Variants in MSH4 observed in about 807,000 individuals in gnomAD.
MSH4 encodes mutS protein homolog 4.
A neutral mutation model predicts 113.7 loss-of-function variants in MSH4; 106 were observed. The observed-to-expected ratio is 0.93, with a 90% CI of 0.80 to 1.10. The LOEUF (loss-of-function observed/expected upper bound fraction) is 1.10. MSH4 is among the 50% of genes least tolerant of loss of function. The probability of loss-of-function intolerance (pLI) is 0.00; values close to 1 mark genes in which losing one functional copy is unlikely to be tolerated. For synonymous variants in MSH4, 368 were observed against 380.2 expected (o/e 0.97, Z 0.37); for missense variants, 1,061 against 1,093.7 (o/e 0.97, Z 0.42).
At chr1:75,852,109 AT>A (rs1263656672) in intron 8 of MSH4, among the ~76,000 whole-genome samples, 3 of 152,204 alleles carry the variant, frequency 2.0e-5, no homozygotes, top group Non-Finnish European at 4.4e-5. Context: ...TATCCTGGAC[AT>A]TTTATATAAA....
At chr1:75,836,305 T>TTTC (rs1303848801) in intron 7 of MSH4, among the ~76,000 whole-genome samples, 3 of 148,970 alleles carry the variant, frequency 2.0e-5, no homozygotes, top group East Asian at 2.0e-4. Context: ...TCTTTTTCTT[T>TTTC]TTTTTTTTTT....
intron 12 of MSH4, 129 bp downstream of exon 12, chr1:75,879,257 AC>A (rs2100570959): frequency 1.3e-6 from 1 of 744,616 alleles, no homozygotes; most frequent in Non-Finnish European, 2.2e-6. Context: ...ATTCCTACCC[AC>A]CCACCTAACT....
intron 19 of MSH4, among the ~76,000 whole-genome samples, chr1:75,901,213 T>C (rs1359427730): frequency 3.3e-5 from 5 of 152,166 alleles, no homozygotes; most frequent in African/African-American, 9.6e-5. Context: ...ACGACACATA[T>C]TAACTATAGT....
chr1:75,801,615 T>C (rs908113454), intron 1 of MSH4, among the ~76,000 whole-genome samples: 1 of 151,554 alleles, frequency 6.6e-6, no homozygotes, highest in Non-Finnish European at 1.5e-5. Flanking sequence ...GGCTTATGCT[T>C]GTAATCTCAG....
Position 75,848,225 on chromosome 1 carries a change from T to A in MSH4, c.1179T>A (p.Leu393=). The stretch of plus-strand genomic sequence containing the variant: ...TTGTTTCAGTTATATCAAGATTTCT[T>A]GATACAGAGCAGCTTCTTTCTGTTT... ...FGLQSVISRF[L]DTEQLLSVLV... Residue 393 remains leucine (L), a synonymous_variant, in exon 8 of 20, where the codon CTT becomes CTA. Transcript: ENST00000263187. The A allele has an allele frequency of 6.2e-7, 1 of 1,607,478 alleles. No individual in the cohort carries two copies. Among genetic ancestry groups the A allele is most frequent in the Non-Finnish European group, 8.5e-7 (1 of 1,175,500 alleles).
intron 9 of MSH4, among the ~76,000 whole-genome samples, chr1:75,876,437 G>C (rs561734341): frequency 6.6e-6 from 1 of 152,056 alleles, no homozygotes; most frequent in African/African-American, 2.4e-5. Context: ...GGCTAAATAT[G>C]CTTTCTCTTC....
chr1:75,852,626 C>T (rs560312098), intron 8 of MSH4, among the ~76,000 whole-genome samples: 4 of 152,150 alleles, frequency 2.6e-5, no homozygotes, highest in Admixed American at 6.5e-5. Context: ...CTGACAATGT[C>T]GAGCATCTTT....
In MSH4 at chr1:75,890,720, A is replaced by G. The variant is rs775518211; in HGVS notation, c.2251A>G (p.Asn751Asp). The G allele has an allele frequency of 3.1e-6, 5 of 1,595,098 alleles. No homozygotes were observed. Among genetic ancestry groups the G allele is most frequent in the Non-Finnish European group, 4.3e-6 (5 of 1,167,214 alleles). Residue 751 changes from asparagine (N) to aspartate (D), a missense_variant, in exon 17 of 20, where the codon AAT becomes GAT. By Grantham distance (23) the Asn-to-Asp change is conservative. Coordinates refer to ENST00000263187, the MANE Select transcript of MSH4 (RefSeq NM_002440.4). ...KEIAYILHNA[N>D]DKSLILIDEL... ...GATAGCATATATTCTACATAATGCT[A>G]ATGACAAATCGCTCATATTAATTGA...
At chr1:75,829,258 G>T (rs1283595410) in intron 7 of MSH4, among the ~76,000 whole-genome samples, 4 of 152,152 alleles carry the variant, frequency 2.6e-5, no homozygotes, top group African/African-American at 9.6e-5. Flanking sequence ...GCTTTGCTGA[G>T]GCTTGAGTAG....
intron 19 of MSH4, among the ~76,000 whole-genome samples, chr1:75,905,244 T>C (rs533191399): frequency 5.3e-5 from 8 of 152,122 alleles, no homozygotes; most frequent in African/African-American, 1.7e-4. Flanking sequence ...GATTTTAGTA[T>C]GTCATGTATT....
Position 75,816,506 on chromosome 1 carries a change from G to A in MSH4, c.949G>A (p.Ala317Thr). The A allele has an allele frequency of 1.3e-6, 2 of 1,596,664 alleles. No homozygotes were observed. Among genetic ancestry groups the A allele is most frequent in the Non-Finnish European group, 1.7e-6 (2 of 1,169,894 alleles). Residue 317 changes from alanine (A) to threonine (T), a missense_variant, in exon 6 of 20, where the codon GCC becomes ACC. By Grantham distance (58) the Ala-to-Thr change is moderately conservative (BLOSUM62 0). Coordinates refer to ENST00000263187, the MANE Select transcript of MSH4 (RefSeq NM_002440.4). ...GACAGCCATGATAGATTCATCATCA[G>A]CCCAAAACCTTGAATTGTTAATTAA... ...EQTAMIDSSS[A>T]QNLELLINNQ...
chr1:75,825,223 C>T (rs191624151), intron 7 of MSH4, among the ~76,000 whole-genome samples: 46 of 152,102 alleles, frequency 3.0e-4, no homozygotes, highest in Admixed American at 9.2e-4. Context: ...TTCTTCGTAG[C>T]GGTTGTGAAT....
chr1:75,832,920 G>A (rs922680332), intron 7 of MSH4, among the ~76,000 whole-genome samples: 1 of 152,154 alleles, frequency 6.6e-6, no homozygotes, highest in Non-Finnish European at 1.5e-5. Flanking sequence ...ACATAGTGTT[G>A]GCAGTTCTGG....
intron 8 of MSH4, among the ~76,000 whole-genome samples, chr1:75,856,459 C>T (rs1485947513): frequency 6.6e-6 from 1 of 152,110 alleles, no homozygotes; most frequent in Non-Finnish European, 1.5e-5. Flanking sequence ...CCCGACAGGC[C>T]CCGGTGTGTG....
chr1:75,843,414 C>T (rs1651008878), intron 7 of MSH4, among the ~76,000 whole-genome samples: 1 of 152,066 alleles, frequency 6.6e-6, no homozygotes, highest in South Asian at 2.1e-4. Flanking sequence ...TAAGGGGATT[C>T]TCTATAGAAT....
At chr1:75,884,102 A>C (rs917718917) in intron 15 of MSH4, among the ~76,000 whole-genome samples, 13 of 152,206 alleles carry the variant, frequency 8.5e-5, no homozygotes, top group African/African-American at 2.4e-4. Flanking sequence ...ATCAAATATT[A>C]CTAAATTGAA....
At chr1:75,824,853 A>G (rs1333284734) in intron 7 of MSH4, among the ~76,000 whole-genome samples, 1 of 146,994 alleles carries the variant, frequency 6.8e-6, no homozygotes, top group African/African-American at 2.5e-5. Flanking sequence ...CGTTTTAGTT[A>G]CTGTAGCCTT....
chr1:75,853,135 G>T (rs950087406), intron 8 of MSH4, among the ~76,000 whole-genome samples: 4 of 152,032 alleles, frequency 2.6e-5, no homozygotes, highest in African/African-American at 7.2e-5. Flanking sequence ...TGTAATCTCG[G>T]CTCACTGCAA....
At chr1:75,822,288 C>CA (rs33965683) in intron 6 of MSH4, 121 bp from the exon 7 acceptor site, 128,337 of 385,824 alleles carry the variant, frequency 0.33, 14,035 homozygotes, top group Admixed American at 0.42. Flanking sequence ...GACTCTGTTT[C>CA]AAAAAAAAAA....
Sources: allele counts gnomAD v4.1 joint callset (sites outside exome capture counted in the v4.1 genomes callset), GRCh38; gene constraint gnomAD v4.1.1; transcripts MANE v1.5; gene names NCBI Gene and HGNC (gene_info 2026-07-23, HGNC 2026-07-21).